LIMS2: variants seen among roughly 807,000 people sequenced by gnomAD.
LIMS2 encodes LIM and senescent cell antigen-like-containing domain protein 2.
Under a neutral mutation model 45.3 loss-of-function variants are expected in LIMS2, and 30 were observed. That is an observed-to-expected ratio of 0.66 (90% CI 0.50 to 0.90). The LOEUF (loss-of-function observed/expected upper bound fraction) is 0.90. Among genes scored for constraint, LIMS2 ranks in the 40% least tolerant of loss-of-function variants. The probability of loss-of-function intolerance (pLI) is 0.00; values close to 1 mark genes in which losing one functional copy is unlikely to be tolerated. For synonymous variants in LIMS2, 173 were observed against 188.0 expected, an observed-to-expected ratio of 0.92 and a Z score of 0.65; for missense variants, 485 against 468.7, an observed-to-expected ratio of 1.03 and a Z score of -0.32.
At chr2:127,677,340 AT>A (rs1159906046), upstream of LIMS2, among the ~76,000 whole-genome samples, 1 of 152,224 alleles carries the variant, frequency 6.6e-6, no homozygotes. The surrounding 1 kb of genome is among the most constrained non-coding windows in gnomAD (Gnocchi z 5.0). Flanking sequence ...AAATAAATAA[AT>A]ACGCAAACTA....
At chr2:127,651,648 C>T (rs138095474) in intron 4 of LIMS2, 83 of 1,613,354 alleles carry the variant, frequency 5.1e-5, no homozygotes, top group Non-Finnish European at 6.4e-5. Context: ...TGAGAAGTTC[C>T]GCCACGCCCT....
At chr2:127,679,489 T>C (rs1160933282), upstream of LIMS2, among the ~76,000 whole-genome samples, 3 of 152,040 alleles carry the variant, frequency 2.0e-5, no homozygotes, top group East Asian at 5.8e-4. The surrounding 1 kb of genome is among the most constrained non-coding windows in gnomAD (Gnocchi z 5.3). Context: ...CAGAGTGACA[T>C]GACAGCTGTC....
At chr2:127,654,375 C>T (rs1285488767) in intron 4 of LIMS2, 49 bp downstream of exon 4, 34 of 1,612,010 alleles carry the variant, frequency 2.1e-5, no homozygotes, top group Non-Finnish European at 2.8e-5. Flanking sequence ...GCAGGTGTGC[C>T]AGGAAGGGCT....
At chr2:127,651,542 C>T (rs144990681) in intron 4 of LIMS2, 23 of 1,612,276 alleles carry the variant, frequency 1.4e-5, no homozygotes, top group African/African-American at 5.3e-5. Context: ...GGGCCTCCTG[C>T]GCCACCCAGC....
At chr2:127,644,874 C>G (rs111275218) in intron 4 of LIMS2, among the ~76,000 whole-genome samples, 2,020 of 152,302 alleles carry the variant, frequency 0.013, 42 homozygotes, top group African/African-American at 0.046. Flanking sequence ...CGCCCCGGCT[C>G]AGACACCTCA....
chr2:127,675,683 G>C (rs1303056044), upstream of LIMS2, among the ~76,000 whole-genome samples: 1 of 152,172 alleles, frequency 6.6e-6, no homozygotes, highest in Non-Finnish European at 1.5e-5. Flanking sequence ...TGCAGGAGAT[G>C]GTAGGCGTGG....
rs1288361397 is a variant in LIMS2, at chr2:127,640,031, C to G, written c.878+39G>C. On this transcript the variant is annotated intron_variant, in intron 9 of 9. Transcript: ENST00000355119. ...GAGAGGAAGGACCTGCAGGAGCCCC[C>G]TCCACCCTGAGCCCCATCCCACGAT... 4 of 1,601,840 alleles carry G rather than the reference C, an allele frequency of 2.5e-6. No homozygotes were observed. The Admixed American group carries it at 6.7e-5, about 27-fold the overall frequency.
chr2:127,650,843 CTTCT>C (rs1683684117), intron 4 of LIMS2: 1 of 1,614,146 alleles, frequency 6.2e-7, no homozygotes, highest in Middle Eastern at 1.6e-4. Context: ...TGTTCGCCTC[CTTCT>C]ACCTTCTGGA....
intron 1 of LIMS2, among the ~76,000 whole-genome samples, chr2:127,668,496 C>T (rs1262264517): frequency 1.3e-5 from 2 of 151,284 alleles, no homozygotes; most frequent in African/African-American, 2.4e-5. Flanking sequence ...TGGCAAAACC[C>T]GATCTCTACT....
intron 4 of LIMS2, among the ~76,000 whole-genome samples, chr2:127,644,600 ACTC>A (rs1682768960): frequency 6.6e-6 from 1 of 151,780 alleles, no homozygotes; most frequent in East Asian, 1.9e-4. Context: ...CATTCTGGTG[ACTC>A]CTCCTGAGCG....
rs577400935 is a variant in LIMS2 at position 127,639,041 on chromosome 2, C to T, written c.*240G>A. 8.2e-4 allele frequency: 437 copies of T among 534,512 alleles called. 4 individuals carry two copies. The South Asian group carries it at 8.7e-3, about 11-fold the overall frequency. The allele number at this position is 534,512 out of a possible 1,614,324, so 33.1% of individuals were successfully genotyped here. A position where few individuals can be genotyped will look rare whatever the true frequency, so the allele number is the denominator to read the frequency against. ...GGCACAGGTGGACATGGCTGTCAGACGTGGGGTCATAGGCTCCCACTCCCC... is the reference window on the plus strand; with the variant it reads ...GGCACAGGTGGACATGGCTGTCAGATGTGGGGTCATAGGCTCCCACTCCCC... On this transcript the variant is annotated 3_prime_UTR_variant, in exon 10 of 10. Coordinates refer to ENST00000355119, the MANE Select transcript of LIMS2 (RefSeq NM_001161403.3).
chr2:127,655,248 T>C, intron 2 of LIMS2: 2 of 387,158 alleles, frequency 5.2e-6, no homozygotes, highest in Non-Finnish European at 9.8e-6. Flanking sequence ...AAGTGTAGTG[T>C]CACTTGGTCC....
chr2:127,651,029 A>C (rs1231849036), intron 4 of LIMS2: 1 of 1,613,688 alleles, frequency 6.2e-7, no homozygotes, highest in Non-Finnish European at 8.5e-7. Flanking sequence ...ACCACTGGCC[A>C]TTTGGGGAAA....
intron 7 of LIMS2, chr2:127,640,664 G>C (rs1026538301): frequency 1.0e-5 from 6 of 597,692 alleles, no homozygotes; most frequent in African/African-American, 7.4e-5. Flanking sequence ...TCAGCCCCAT[G>C]TGCCCGGGAC....
chr2:127,675,181 C>T lies in LIMS2; in HGVS notation c.-157G>A. On this transcript the variant is annotated 5_prime_UTR_variant, in exon 1 of 10. Coordinates refer to ENST00000355119, the MANE Select transcript of LIMS2 (RefSeq NM_001161403.3). The stretch of plus-strand genomic sequence containing the variant: ...CCGCTCCGCCCGCGAGAGGGGTGGG[C>T]GGGGGTGGCAGGGTGGGGCCCGCGG... 8.5e-6 allele frequency: 1 copy of T among 117,538 alleles called. No individual in the cohort carries two copies. The highest frequency in any genetic ancestry group is 1.5e-5 in the Non-Finnish European group (1 of 68,718). 7.3% of individuals were successfully genotyped at this position (117,538 alleles called of 1,614,324 possible).
In LIMS2 at chr2:127,640,986, G is replaced by GTGC; in HGVS notation, c.661-1_662dup (p.Glu220_His221insGln). 1 of 1,613,752 alleles carries GTGC rather than the reference G, an allele frequency of 6.2e-7. No homozygotes were observed. Among genetic ancestry groups the GTGC allele is most frequent in the Non-Finnish European group, 8.5e-7 (1 of 1,179,862 alleles). ...GCTTCTCACACTTGGCACAGACAAAGTGCTGCAAGGACAAAGGGCGGGCCG... is the reference window on the plus strand; with the variant it reads ...GCTTCTCACACTTGGCACAGACAAAGTGCTGCTGCAAGGACAAAGGGCGGGCCG... On this transcript the variant is annotated inframe_insertion and splice_region_variant, in exon 7 of 10. Transcript: ENST00000355119.
rs756992130 is a variant in LIMS2 at position 127,673,665 on chromosome 2, G to A, written c.11+1349C>T. 9.0e-6 allele frequency: 14 copies of A among 1,550,872 alleles called. No homozygotes were observed. Among genetic ancestry groups the A allele is most frequent in the Admixed American group, 7.8e-5 (4 of 50,978 alleles). On this transcript the variant is annotated intron_variant, in intron 1 of 9. Coordinates refer to ENST00000355119, the MANE Select transcript of LIMS2 (RefSeq NM_001161403.3). Reference sequence around the variant, plus strand: ...CATCCCTCCTGTGCCTGAAGGAACCGCCTCTCACCCACCTCCACCTCAATG... The same window carrying A: ...CATCCCTCCTGTGCCTGAAGGAACCACCTCTCACCCACCTCCACCTCAATG...
In LIMS2 at chr2:127,647,371, A is replaced by G. The variant is rs1186139341; in HGVS notation, c.360-4299T>C. 6.6e-6 allele frequency among the ~76,000 whole-genome samples: 1 copy of G among 152,020 alleles called. No homozygotes were observed. The highest frequency in any genetic ancestry group is 1.9e-4 in the East Asian group (1 of 5,172). On this transcript the variant is annotated intron_variant, in intron 4 of 9. Coordinates refer to ENST00000355119, the MANE Select transcript of LIMS2 (RefSeq NM_001161403.3). This position sits in a 1 kb window ranked among gnomAD's most constrained non-coding sequence, Gnocchi z 4.3. ...CGGTCTCACTTCCAGCTCCAGGGCCAATGTCCCCTGGTCAAGTGACCTAAG... is the reference window on the plus strand; with the variant it reads ...CGGTCTCACTTCCAGCTCCAGGGCCGATGTCCCCTGGTCAAGTGACCTAAG...
At chr2:127,660,472 C>G (rs1160973048) in intron 1 of LIMS2, among the ~76,000 whole-genome samples, 5 of 152,148 alleles carry the variant, frequency 3.3e-5, no homozygotes, top group Non-Finnish European at 5.9e-5. Flanking sequence ...AGACCATGAA[C>G]CGACGGGGAG....
Sources: gnomAD v4.1 joint callset for allele counts (sites outside exome capture counted in the v4.1 genomes callset) on GRCh38, gnomAD v4.1.1 for gene constraint, Gnocchi (gnomAD v3.1) non-coding constraint, MANE v1.5 for transcripts, NCBI Gene and HGNC (gene_info 2026-07-23, HGNC 2026-07-21) for gene names.